Variants in ADAMTS17 observed in about 807,000 individuals in gnomAD.
The protein encoded by ADAMTS17 is ADAM metallopeptidase with thrombospondin type 1 motif 17, also known as A disintegrin and metalloproteinase with thrombospondin motifs 17.
ADAMTS17 carries 113 observed loss-of-function variants against 141.5 expected under a neutral mutation model. The ratio of observed to expected loss-of-function variants is 0.80; its 90% CI spans 0.69 to 0.93. The LOEUF (loss-of-function observed/expected upper bound fraction) is 0.93. Ranked by LOEUF, ADAMTS17 falls within the 40% of genes least tolerant of loss-of-function variation. ADAMTS17 has a pLI of 0.00. For missense variants in ADAMTS17, 1,659 were observed against 1,517.9 expected (o/e 1.09, Z -1.54); for synonymous variants, 768 against 630.6 (o/e 1.22, Z -3.27).
At chr15:100,195,383 G>T (rs868136206) in intron 8 of ADAMTS17, among the ~76,000 whole-genome samples, 5 of 152,178 alleles carry the variant, frequency 3.3e-5, no homozygotes, top group African/African-American at 1.2e-4. Context: ...GGTTACACGG[G>T]AGTTAATGAT....
chr15:100,275,345 C>CAGCATTG (rs776025115), intron 4 of ADAMTS17, among the ~76,000 whole-genome samples: 108 of 152,320 alleles, frequency 7.1e-4, no homozygotes, highest in Non-Finnish European at 7.8e-4. Flanking sequence ...GGGGAAGCCA[C>CAGCATTG]AGAGGAGCCC....
Position 99,972,204 on chromosome 15 carries a change from T to A in ADAMTS17, c.*2198A>T, listed in dbSNP as rs966686285. ...AGGCGGAGCTTTCAATGAGCTGAGA[T>A]CGCGCCACTGCACTCCAGCCTGGGC... On this transcript the variant is annotated 3_prime_UTR_variant, in exon 22 of 22. Transcript: ENST00000268070. The A allele has an allele frequency of 1.3e-5, 2 of 152,142 alleles. No homozygotes were observed. The highest frequency in any genetic ancestry group is 2.9e-5 in the Non-Finnish European group (2 of 68,076). 9.4% of individuals were successfully genotyped at this position (152,142 alleles called of 1,614,324 possible).
chr15:100,299,939 T>C (rs2044969436), intron 3 of ADAMTS17, among the ~76,000 whole-genome samples: 1 of 152,196 alleles, frequency 6.6e-6, no homozygotes, highest in African/African-American at 2.4e-5. Flanking sequence ...CCTCTTGTGC[T>C]GAGAAGGGCA....
intron 15 of ADAMTS17, among the ~76,000 whole-genome samples, chr15:100,066,800 T>G (rs1014697451): frequency 7.1e-6 from 1 of 141,758 alleles, no homozygotes; most frequent in African/African-American, 2.6e-5. Flanking sequence ...TGTCTTCCCT[T>G]ATGATATTGA....
chr15:100,298,727 G>T (rs2141798888), intron 3 of ADAMTS17, among the ~76,000 whole-genome samples: 1 of 152,336 alleles, frequency 6.6e-6, no homozygotes, highest in African/African-American at 2.4e-5. Flanking sequence ...GTCTAGTCCA[G>T]TAAAAATGCT....
intron 19 of ADAMTS17, among the ~76,000 whole-genome samples, chr15:99,994,813 C>G (rs777826428): frequency 5.3e-5 from 8 of 152,270 alleles, no homozygotes; most frequent in Non-Finnish European, 1.0e-4. Flanking sequence ...ATCCACCCGA[C>G]TTGGCCTCCC....
chr15:100,025,785 T>C (rs2061502358), intron 18 of ADAMTS17, among the ~76,000 whole-genome samples: 1 of 152,202 alleles, frequency 6.6e-6, no homozygotes. Flanking sequence ...ATCTCAACTT[T>C]GTAGTAGTAT....
intron 17 of ADAMTS17, among the ~76,000 whole-genome samples, chr15:100,049,478 T>C (rs932518835): frequency 6.6e-6 from 1 of 152,196 alleles, no homozygotes; most frequent in African/African-American, 2.4e-5. Context: ...ACCTGCATCC[T>C]CTAGACAGGC....
intron 8 of ADAMTS17, among the ~76,000 whole-genome samples, chr15:100,192,492 A>G (rs1037301357): frequency 2.0e-5 from 3 of 152,202 alleles, no homozygotes; most frequent in Non-Finnish European, 4.4e-5. Context: ...GGATTTCTAA[A>G]CAGTTATGAC....
chr15:100,005,534 CTG>C (rs1034869225), intron 18 of ADAMTS17, among the ~76,000 whole-genome samples: 6 of 152,116 alleles, frequency 3.9e-5, no homozygotes, highest in African/African-American at 1.2e-4. Flanking sequence ...GTTTCTCACA[CTG>C]TGTCACTCCG....
chr15:100,109,044 T>C lies in ADAMTS17; in HGVS notation c.1961A>G (p.Asp654Gly). ...SPLLVADRVLDGTPCGPYETD... is the reference protein window; with the variant it reads ...SPLLVADRVLGGTPCGPYETD... Reference sequence around the variant, plus strand: ...CTCGTAGGGCCCGCAGGGTGTACCGTCCAGGACCCTGTCGGCCACCAGCAG... The same window carrying C: ...CTCGTAGGGCCCGCAGGGTGTACCGCCCAGGACCCTGTCGGCCACCAGCAG... The change falls in exon 14 of 22, where the codon GAC (aspartate) becomes GGC (glycine). Residue 654 changes from aspartate (D) to glycine (G), a missense_variant. Physicochemically the swap from Asp to Gly is moderately conservative, Grantham distance 94. Coordinates refer to ENST00000268070, the MANE Select transcript of ADAMTS17 (RefSeq NM_139057.4). 10 of 1,614,040 alleles carry C rather than the reference T, an allele frequency of 6.2e-6. No homozygotes were observed. The highest frequency in any genetic ancestry group is 8.5e-6 in the Non-Finnish European group (10 of 1,180,034).
At chr15:100,328,470 T>G (rs187296737) in intron 3 of ADAMTS17, among the ~76,000 whole-genome samples, 56 of 152,306 alleles carry the variant, frequency 3.7e-4, no homozygotes, top group African/African-American at 1.3e-3. Context: ...GGCACAACCT[T>G]AAATCCGCAC....
intron 15 of ADAMTS17, among the ~76,000 whole-genome samples, chr15:100,088,184 A>G (rs536061795): frequency 6.6e-6 from 1 of 152,232 alleles, no homozygotes; most frequent in Non-Finnish European, 1.5e-5. Flanking sequence ...AAGCATTCTT[A>G]TACACCAATA....
In ADAMTS17 at chr15:100,117,003, C is replaced by G. The variant is rs751619562; in HGVS notation, c.1732G>C (p.Gly578Arg). ...CTGGCACCCGGGCAGTGTGTGCCTC[C>G]AGGCCCAGGGCTAGAAGGAAGAAGA... ...RKCDNPPPGP[G>R]GTHCPGASVE... Residue 578 changes from glycine (G) to arginine (R), a missense_variant, in exon 13 of 22, where the codon GGA (glycine) becomes CGA (arginine). Gly to Arg is a moderately radical substitution (Grantham distance 125). Transcript: ENST00000268070. The G allele has an allele frequency of 6.2e-7, 1 of 1,611,584 alleles. No individual in the cohort carries two copies. The highest frequency in any genetic ancestry group is 2.2e-5 in the East Asian group (1 of 44,806).
intron 7 of ADAMTS17, among the ~76,000 whole-genome samples, chr15:100,205,378 G>A (rs1034961984): frequency 3.3e-5 from 5 of 152,184 alleles, no homozygotes; most frequent in African/African-American, 1.2e-4. Flanking sequence ...TGCCGGGAGA[G>A]GGGAAGGAAA....
chr15:100,341,054 G>A lies in ADAMTS17; in HGVS notation c.435C>T (p.Gly145=), dbSNP rs757595067. 10 of 1,522,964 alleles carry A rather than the reference G, an allele frequency of 6.6e-6. No individual in the cohort carries two copies. In the South Asian group the frequency reaches 1.2e-4, roughly 18 times the overall value. The allele number at this position is 1,522,964 out of a possible 1,614,324, so 94.3% of individuals were successfully genotyped here. ...PGSLVSLSAC[G]AAGGLVGLIQ... ...CGGGCAGTACCAGGCCGCCGGCGGC[G>A]CCGCAGGCGCTGAGCGAGACGAGGG... is the stretch of plus-strand genomic sequence containing the variant. Residue 145 remains glycine, a synonymous_variant, in exon 2 of 22, where the codon GGC becomes GGT. Transcript: ENST00000268070.
chr15:100,233,265 G>C (rs1447298040), intron 7 of ADAMTS17, among the ~76,000 whole-genome samples: 1 of 151,932 alleles, frequency 6.6e-6, no homozygotes, highest in East Asian at 1.9e-4. Context: ...AGGAGGCAGA[G>C]GTTGCAGTGA....
rs115069032 is a variant in ADAMTS17 at position 100,277,129 on chromosome 15, G to A, written c.789+4100C>T. Reference sequence around the variant, plus strand: ...GACGACAGAAGGGCTCAGAGTCATCGCACCCAGCCCTTCTCACAGTGGGAT... The same window carrying A: ...GACGACAGAAGGGCTCAGAGTCATCACACCCAGCCCTTCTCACAGTGGGAT... On this transcript the variant is annotated intron_variant, in intron 4 of 21. Transcript: ENST00000268070. Among the ~76,000 whole-genome samples, 604 of 152,186 alleles carry A rather than the reference G, an allele frequency of 4.0e-3. 6 individuals are homozygous for A. The highest frequency in any genetic ancestry group is 0.013 in the African/African-American group (559 of 41,520).
chr15:100,013,493 C>T (rs112718764), intron 18 of ADAMTS17, among the ~76,000 whole-genome samples: 5 of 152,222 alleles, frequency 3.3e-5, no homozygotes, highest in African/African-American at 1.2e-4. Flanking sequence ...TCAACTTTTC[C>T]CCATCAGTAC....
Sources: allele counts gnomAD v4.1 joint callset (sites outside exome capture counted in the v4.1 genomes callset), GRCh38; gene constraint gnomAD v4.1.1; transcripts MANE v1.5; gene names NCBI Gene and HGNC (gene_info 2026-07-23, HGNC 2026-07-21).